PLB1: variants seen among roughly 807,000 people sequenced by gnomAD.
The protein encoded by PLB1 is phospholipase B1.
A neutral mutation model predicts 227.4 loss-of-function variants in PLB1; 242 were observed. That is an observed-to-expected ratio of 1.06 (90% CI 0.96 to 1.18). The LOEUF (loss-of-function observed/expected upper bound fraction) is 1.18, where lower values mean the gene tolerates loss of function less well. Among genes scored for constraint, PLB1 ranks in the 50% most tolerant of loss-of-function variants. PLB1 has a pLI of 0.00. For missense variants in PLB1, 1,858 were observed against 1,816.3 expected (o/e 1.02, Z -0.42); for synonymous variants, 757 against 682.2 (o/e 1.11, Z -1.71).
rs1265956002 is a variant in PLB1, at chr2:28,629,195, C to T, written c.3818+10C>T. ...CCATGCTGGCAGCTCAGTAAGTGGACAGGTCACCGTCCCAAGGCAAGGGCA... is the reference window on the plus strand; with the variant it reads ...CCATGCTGGCAGCTCAGTAAGTGGATAGGTCACCGTCCCAAGGCAAGGGCA... On this transcript the variant is annotated intron_variant, in intron 53 of 57. Transcript: ENST00000327757. The T allele has an allele frequency of 9.9e-6, 16 of 1,612,394 alleles. No homozygotes were observed. Among genetic ancestry groups the T allele is most frequent in the East Asian group, 2.2e-5 (1 of 44,872 alleles).
chr2:28,639,225 A>AATGAG (rs373484383), intron 56 of PLB1, among the ~76,000 whole-genome samples: 15 of 152,298 alleles, frequency 9.8e-5, no homozygotes, highest in African/African-American at 3.6e-4. Context: ...GTAGATGGGA[A>AATGAG]ATGAGAAACA....
chr2:28,626,635 C>A, intron 51 of PLB1, 127 bp downstream of exon 51: 1 of 802,934 alleles, frequency 1.2e-6, no homozygotes, highest in Non-Finnish European at 2.1e-6. Context: ...TGCCTGCTGC[C>A]CCAGGCCCTC....
intron 14 of PLB1, 113 bp downstream of exon 14, chr2:28,543,381 T>G: frequency 8.7e-7 from 1 of 1,151,302 alleles, no homozygotes; most frequent in Non-Finnish European, 1.2e-6. Context: ...CCCAGGACAA[T>G]GGTTCTGGGC....
chr2:28,542,591 C>G, intron 13 of PLB1, among the ~76,000 whole-genome samples: 1 of 152,164 alleles, frequency 6.6e-6, no homozygotes, highest in East Asian at 1.9e-4. Context: ...AAGAGAATCT[C>G]CAGGGATGCC....
At chr2:28,634,590 T>C (rs1458880203) in intron 56 of PLB1, among the ~76,000 whole-genome samples, 5 of 152,134 alleles carry the variant, frequency 3.3e-5, no homozygotes, top group Admixed American at 3.3e-4. Context: ...AAAGAGTCCA[T>C]TGGTTTCTTT....
intron 43 of PLB1, among the ~76,000 whole-genome samples, chr2:28,607,119 A>G (rs1357841188): frequency 6.6e-6 from 1 of 152,070 alleles, no homozygotes; most frequent in South Asian, 2.1e-4. Context: ...CCTTTTAAGG[A>G]GGAATCCGTA....
Position 28,625,040 on chromosome 2 carries a change from C to A in PLB1, c.3528-17C>A, listed in dbSNP as rs1477282888. 6.2e-7 allele frequency: 1 copy of A among 1,612,842 alleles called. No homozygotes were observed. Among genetic ancestry groups the A allele is most frequent in the Non-Finnish European group, 8.5e-7 (1 of 1,179,306 alleles). On this transcript the variant is annotated splice_polypyrimidine_tract_variant and intron_variant, in intron 49 of 57. Coordinates refer to ENST00000327757, the MANE Select transcript of PLB1 (RefSeq NM_153021.5). The stretch of plus-strand genomic sequence containing the variant: ...CCTGAGCCGGCACTAACGCCCCTCT[C>A]TCTACCCCCCACCTAGGGACATGCC...
At chr2:28,619,854 G>A (rs1686766024) in intron 46 of PLB1, among the ~76,000 whole-genome samples, 3 of 152,138 alleles carry the variant, frequency 2.0e-5, no homozygotes, top group African/African-American at 7.2e-5. Context: ...TGAAGGTAAG[G>A]GAGACTCATT....
At chr2:28,637,855 C>A (rs1689549002) in intron 56 of PLB1, among the ~76,000 whole-genome samples, 1 of 152,158 alleles carries the variant, frequency 6.6e-6, no homozygotes, top group African/African-American at 2.4e-5. Context: ...AGTGGCCCAC[C>A]CAGGTCCATT....
chr2:28,546,785 TTTTCCTTCTTTGAGGCCC>T (rs1673324955), intron 14 of PLB1, among the ~76,000 whole-genome samples: 1 of 151,924 alleles, frequency 6.6e-6, no homozygotes, highest in Admixed American at 6.5e-5. Flanking sequence ...AATCTATGAA[TTTTCCTTCTTTGAGGCCC>T]TTTAAAAAAA....
intron 4 of PLB1, among the ~76,000 whole-genome samples, chr2:28,523,335 G>GT (rs199936505): frequency 0.052 from 6,011 of 116,704 alleles, 171 homozygotes; most frequent in Admixed American, 0.083. Flanking sequence ...TATCTGCGAG[G>GT]TTTTTTTTTT....
chr2:28,567,014 A>G lies in PLB1; in HGVS notation c.1324+175A>G, dbSNP rs576020396. The stretch of plus-strand genomic sequence containing the variant: ...CCCAGCTCCGCTTCCGACAGTGACG[A>G]AAGCCTTAGAGTTGGGGGTGGAACG... On this transcript the variant is annotated intron_variant, in intron 20 of 57. Transcript: ENST00000327757. 3.5e-4 allele frequency among the ~76,000 whole-genome samples: 52 copies of G among 150,486 alleles called. No homozygotes were observed. In the East Asian group the frequency reaches 9.9e-3, roughly 29 times the overall value.
At position 28,529,778 on chromosome 2, in the gene PLB1, T is replaced by A. The variant is rs1364135588; in HGVS notation, c.467T>A (p.Leu156Gln). The change falls in exon 8 of 58, where the codon CTG becomes CAG. Residue 156 changes from leucine to glutamine, a missense_variant and splice_region_variant. By Grantham distance (113) the Leu-to-Gln change is moderately radical. Coordinates refer to ENST00000327757, the MANE Select transcript of PLB1 (RefSeq NM_153021.5). ...CTGGTGAGAAACATGAAAGAGAACCTGGTAAGCATCCGTCCAACTCTGGCA... is the reference window on the plus strand; with the variant it reads ...CTGGTGAGAAACATGAAAGAGAACCAGGTAAGCATCCGTCCAACTCTGGCA... ...QELVRNMKEN[L>Q]QLDFQFDWKL... 1.2e-6 allele frequency: 2 copies of A among 1,613,958 alleles called. No individual in the cohort carries two copies. Among genetic ancestry groups the A allele is most frequent in the African/African-American group, 2.7e-5 (2 of 74,914 alleles).
At chr2:28,603,862 G>C (rs1684266913) in intron 39 of PLB1, 104 bp from the exon 40 acceptor site, 2 of 1,041,034 alleles carry the variant, frequency 1.9e-6, no homozygotes, top group Non-Finnish European at 2.9e-6. Context: ...CTAAACCAGG[G>C]CGGGAGGGAG....
rs373155131 is a variant in PLB1, at chr2:28,539,265, A to G, written c.698+87A>G. The G allele has an allele frequency of 1.0e-4, 127 of 1,211,788 alleles. 1 individual carries two copies. Among genetic ancestry groups the G allele is most frequent in the Middle Eastern group, 2.0e-4 (1 of 5,030 alleles). 75.1% of individuals were successfully genotyped at this position (1,211,788 alleles called of 1,614,324 possible). On this transcript the variant is annotated intron_variant, in intron 11 of 57. Coordinates refer to ENST00000327757, the MANE Select transcript of PLB1 (RefSeq NM_153021.5). ...GGGGGCCCTTCATGTGCCGTAATCT[A>G]TGAGGGAGCCCTAAAGAACAGAGGC...
chr2:28,517,360 T>G (rs1193692186), intron 2 of PLB1, among the ~76,000 whole-genome samples: 7 of 152,098 alleles, frequency 4.6e-5, no homozygotes, highest in Non-Finnish European at 1.0e-4. Flanking sequence ...TCTCAATTTT[T>G]GGGGGAAAAG....
At chr2:28,581,780 G>A (rs919493893) in intron 23 of PLB1, among the ~76,000 whole-genome samples, 2 of 151,764 alleles carry the variant, frequency 1.3e-5, no homozygotes, top group African/African-American at 4.8e-5. Flanking sequence ...GGCAACATGG[G>A]GAAACCCCAT....
At position 28,566,824 on chromosome 2, in the gene PLB1, G is replaced by T; in HGVS notation, c.1309G>T (p.Val437Phe). ...SVGGDENIGT[V>F]TTLANILREF... ...CGGCGGAGATGAGAACATCGGCACC[G>T]TTACCACCCTGGCGAGTGAGTACGC... Residue 437 changes from valine to phenylalanine, a missense_variant, in exon 20 of 58, where the codon GTT becomes TTT. Physicochemically the swap from Val to Phe is conservative, Grantham distance 50 (BLOSUM62 -1). Transcript: ENST00000327757. 1 of 1,613,962 alleles carries T rather than the reference G, an allele frequency of 6.2e-7. No homozygotes were observed. The highest frequency in any genetic ancestry group is 1.3e-5 in the African/African-American group (1 of 75,008).
intron 1 of PLB1, among the ~76,000 whole-genome samples, chr2:28,497,636 G>C (rs1666611007): frequency 6.6e-6 from 1 of 152,176 alleles, no homozygotes; most frequent in Non-Finnish European, 1.5e-5. Flanking sequence ...GCTGCAGTTT[G>C]GTTCTCTGGC....
Sources: allele counts gnomAD v4.1 joint callset (sites outside exome capture counted in the v4.1 genomes callset), GRCh38; gene constraint gnomAD v4.1.1; transcripts MANE v1.5; gene names NCBI Gene and HGNC (gene_info 2026-07-23, HGNC 2026-07-21).